Variants in CPNE5 observed in about 807,000 individuals in gnomAD.
CPNE5 encodes copine 5.
In CPNE5, 42 loss-of-function variants were observed where a neutral mutation model predicts 81.1. The observed-to-expected ratio is 0.52, with a 90% CI of 0.40 to 0.67. The LOEUF is 0.67. Among genes scored for constraint, CPNE5 ranks in the 30% least tolerant of loss-of-function variants. The pLI is 0.00. For missense variants in CPNE5, 612 were observed against 815.5 expected (o/e 0.75, Z 3.04); for synonymous variants, 313 against 321.5 (o/e 0.97, Z 0.28).
chr6:36,756,112 CATCTCTCTTGGATGTCTGATT>C, intron 13 of CPNE5, 112 bp downstream of exon 13: 19 of 523,698 alleles, frequency 3.6e-5, no homozygotes, highest in East Asian at 8.1e-5. Context: ...CTCCCCACCC[CATCTCTCTTGGATGTCTGATT>C]CCCACGCTCA....
At chr6:36,802,917 G>C (rs555557578) in intron 3 of CPNE5, among the ~76,000 whole-genome samples, 1 of 152,108 alleles carries the variant, frequency 6.6e-6, no homozygotes, top group East Asian at 1.9e-4. Flanking sequence ...ATTGAGCCAG[G>C]CTTGATGGCG....
At chr6:36,777,803 A>T (rs12209686) in intron 9 of CPNE5, among the ~76,000 whole-genome samples, 1 of 117,014 alleles carries the variant, frequency 8.5e-6, no homozygotes, top group Non-Finnish European at 1.7e-5. Flanking sequence ...CACACACACA[A>T]TTTCAAGGGG....
intron 15 of CPNE5, among the ~76,000 whole-genome samples, chr6:36,747,918 G>A (rs553112095): frequency 3.9e-5 from 6 of 152,322 alleles, no homozygotes; most frequent in South Asian, 2.1e-4. Flanking sequence ...ATTTGATCCC[G>A]GGGGGAAACA....
At chr6:36,752,256 G>T (rs939395337) in intron 14 of CPNE5, among the ~76,000 whole-genome samples, 1 of 152,090 alleles carries the variant, frequency 6.6e-6, no homozygotes, top group Non-Finnish European at 1.5e-5. Context: ...GGCTGCCCAC[G>T]CCCTGACCTG....
At chr6:36,750,651 C>T (rs1313995941) in intron 14 of CPNE5, among the ~76,000 whole-genome samples, 2 of 152,180 alleles carry the variant, frequency 1.3e-5, no homozygotes, top group Non-Finnish European at 2.9e-5. Context: ...TACTCATCTG[C>T]TGTTTGTTGT....
chr6:36,758,417 T>C (rs1329544877), intron 12 of CPNE5, among the ~76,000 whole-genome samples: 1 of 148,222 alleles, frequency 6.7e-6, no homozygotes, highest in Non-Finnish European at 1.5e-5. Context: ...GTCTGGCTAT[T>C]TTTTTTTTTT....
At chr6:36,809,356 G>A (rs754084095) in intron 3 of CPNE5, among the ~76,000 whole-genome samples, 4 of 151,990 alleles carry the variant, frequency 2.6e-5, no homozygotes, top group South Asian at 2.1e-4. Flanking sequence ...CAGGAGGATC[G>A]CTTGAACCTA....
rs1763553640 is a variant in CPNE5 at position 36,740,927 on chromosome 6, C to T, written c.*1341G>A. ...CGGAAGACGGGGGCCTGGCCTGCAC[C>T]AGGCACGGAGAGGTCAGTGGGCTGA... On this transcript the variant is annotated 3_prime_UTR_variant, in exon 21 of 21. Transcript: ENST00000244751. 1 of 152,618 alleles carries T rather than the reference C, an allele frequency of 6.6e-6. No individual in the cohort carries two copies. The highest frequency in any genetic ancestry group is 1.9e-4 in the East Asian group (1 of 5,198). The allele number at this position is 152,618 out of a possible 1,614,324, so 9.5% of individuals were successfully genotyped here.
At chr6:36,744,643 C>T in intron 18 of CPNE5, 1 of 489,642 alleles carries the variant, frequency 2.0e-6, no homozygotes, top group South Asian at 2.5e-5. Flanking sequence ...CCTGAGCTTC[C>T]CCAACTCTGA....
intron 3 of CPNE5, among the ~76,000 whole-genome samples, chr6:36,815,827 A>T (rs1336945182): frequency 1.3e-5 from 2 of 152,360 alleles, no homozygotes; most frequent in East Asian, 3.8e-4. Context: ...TGGCAGGGAC[A>T]TGTGGGTGTG....
At chr6:36,814,134 G>C (rs550438163) in intron 3 of CPNE5, among the ~76,000 whole-genome samples, 107 of 152,202 alleles carry the variant, frequency 7.0e-4, no homozygotes, top group Middle Eastern at 3.4e-3. Flanking sequence ...TGTCTTTAGG[G>C]ACCAGATGGG....
At chr6:36,798,644 CA>C (rs1756795556) in intron 4 of CPNE5, 150 bp from the exon 5 acceptor site, 2 of 691,932 alleles carry the variant, frequency 2.9e-6, no homozygotes, top group African/African-American at 3.5e-5. Flanking sequence ...GAAGACATGA[CA>C]GGGAGCCTTC....
At chr6:36,765,888 C>A (rs879385967) in intron 10 of CPNE5, among the ~76,000 whole-genome samples, 1 of 152,172 alleles carries the variant, frequency 6.6e-6, no homozygotes, top group Non-Finnish European at 1.5e-5. Flanking sequence ...GCCCGCTGAG[C>A]TTTTCCATCC....
chr6:36,802,406 T>C (rs1347815399), intron 3 of CPNE5, among the ~76,000 whole-genome samples: 1 of 151,888 alleles, frequency 6.6e-6, no homozygotes, highest in Non-Finnish European at 1.5e-5. Context: ...CAGTGAGCTA[T>C]GATCACACCA....
At chr6:36,750,482 G>C (rs78971404) in intron 14 of CPNE5, among the ~76,000 whole-genome samples, 2,766 of 152,232 alleles carry the variant, frequency 0.018, 75 homozygotes, top group African/African-American at 0.061. Flanking sequence ...CAGGCAGTAG[G>C]ATAGAAGGAG....
At chr6:36,829,589 G>A (rs1030406497) in intron 1 of CPNE5, among the ~76,000 whole-genome samples, 1 of 152,028 alleles carries the variant, frequency 6.6e-6, no homozygotes, top group African/African-American at 2.4e-5. Context: ...AAGGTGGGTG[G>A]ATCACTTGAG....
intron 3 of CPNE5, among the ~76,000 whole-genome samples, chr6:36,809,164 C>T (rs1362038596): frequency 2.6e-5 from 4 of 151,992 alleles, no homozygotes; most frequent in Non-Finnish European, 4.4e-5. Flanking sequence ...AACACCCTGC[C>T]CAACCTCTAT....
chr6:36,793,185 C>T (rs1268874914), intron 7 of CPNE5, among the ~76,000 whole-genome samples: 2 of 152,160 alleles, frequency 1.3e-5, no homozygotes, highest in South Asian at 4.1e-4. Flanking sequence ...TGATGGAGCT[C>T]TTCCCAGCAC....
At chr6:36,829,850 C>CAA (rs1224687378) in intron 1 of CPNE5, among the ~76,000 whole-genome samples, 756 of 47,294 alleles carry the variant, frequency 0.016, 21 homozygotes, top group African/African-American at 0.051. Flanking sequence ...GTAGGAATTG[C>CAA]AAAAAAAAAA....
Sources: allele counts gnomAD v4.1 joint callset (sites outside exome capture counted in the v4.1 genomes callset), GRCh38; gene constraint gnomAD v4.1.1; transcripts MANE v1.5; gene names NCBI Gene and HGNC (gene_info 2026-07-23, HGNC 2026-07-21).